The following TMEM126B variants were observed in gnomAD, a reference collection of about 807,000 sequenced individuals.
TMEM126B encodes the protein transmembrane protein 126B, also known as complex I assembly factor TMEM126B, mitochondrial.
Under a neutral mutation model 16.5 loss-of-function variants are expected in TMEM126B, and 19 were observed. That is an observed-to-expected ratio of 1.15 (90% CI 0.80 to 1.69). The LOEUF is 1.69. Ranked by LOEUF, TMEM126B falls within the 40% of genes most tolerant of loss-of-function variation. The pLI, the probability that TMEM126B is intolerant of heterozygous loss-of-function variation, is 0.00. For missense variants in TMEM126B, 293 were observed against 278.7 expected (o/e 1.05, Z -0.37); for synonymous variants, 104 against 93.2 (o/e 1.12, Z -0.67).
chr11:85,635,980 A>G, intron 4 of TMEM126B, 66 bp from the exon 5 acceptor site: 2 of 1,466,264 alleles, frequency 1.4e-6, no homozygotes, highest in Non-Finnish European at 1.8e-6. Context: ...TCAATTTAGG[A>G]GAAGTCAACA....
chr11:85,634,194 G>A lies in TMEM126B; in HGVS notation c.312G>A (p.Leu104=). ...RRCFKVKHDA[L]KTYASLATLP... ...GCTTCAAGGTTAAACATGATGCTTT[G>A]AAGACATATGCATCATTGGCTACAC... Residue 104 remains leucine, a synonymous_variant, in exon 3 of 5, where the codon TTG becomes TTA. Transcript: ENST00000358867. 1 of 1,613,482 alleles carries A rather than the reference G, an allele frequency of 6.2e-7. No homozygotes were observed. The highest frequency in any genetic ancestry group is 8.5e-7 in the Non-Finnish European group (1 of 1,179,600).
At chr11:85,635,515 C>G (rs2082381326) in intron 3 of TMEM126B, 152 bp from the exon 4 acceptor site, 1 of 514,888 alleles carries the variant, frequency 1.9e-6, no homozygotes, top group Admixed American at 3.7e-5. Context: ...CTGCATTTGG[C>G]CTGTTATATG....
chr11:85,629,178 G>T, intron 1 of TMEM126B: 1 of 1,268,062 alleles, frequency 7.9e-7, no homozygotes, highest in Non-Finnish European at 1.0e-6. Context: ...CTGAGGATGG[G>T]ATGACTGTAT....
chr11:85,628,718 G>A, intron 1 of TMEM126B, 30 bp downstream of exon 1: 1 of 1,522,322 alleles, frequency 6.6e-7, no homozygotes, highest in Non-Finnish European at 8.8e-7. Flanking sequence ...GGTATGGGGG[G>A]TGATTTCTGC....
intron 3 of TMEM126B, 138 bp downstream of exon 3, chr11:85,634,417 C>T (rs1006714999): frequency 4.7e-6 from 3 of 632,342 alleles, no homozygotes; most frequent in African/African-American, 3.8e-5. Flanking sequence ...TATACCTTGT[C>T]ATATTTAATC....
intron 3 of TMEM126B, chr11:85,634,508 T>TA (rs1286919382): frequency 9.4e-6 from 4 of 423,896 alleles, no homozygotes; most frequent in Non-Finnish European, 1.7e-5. Context: ...CATGTTCAAG[T>TA]ACGCTAATAA....
At chr11:85,633,927 TG>T (rs1232155337) in intron 2 of TMEM126B, among the ~76,000 whole-genome samples, 158 bp from the exon 3 acceptor site, 1 of 152,254 alleles carries the variant, frequency 6.6e-6, no homozygotes, top group African/African-American at 2.4e-5. Flanking sequence ...TCTTTTGCTT[TG>T]TTTACTGTCC....
rs1455823848 is a variant in TMEM126B, at chr11:85,628,651, C to T, written c.44C>T (p.Ser15Leu). ...GAGGCTGGGACTAAGCCAAGGGATTCAGGTGTGGTGCCGGTGGGAACTGAG... is the reference window on the plus strand; with the variant it reads ...GAGGCTGGGACTAAGCCAAGGGATTTAGGTGTGGTGCCGGTGGGAACTGAG... ...GYEAGTKPRDSGVVPVGTEEA... is the reference protein window; with the variant it reads ...GYEAGTKPRDLGVVPVGTEEA... Residue 15 changes from serine to leucine, a missense_variant, in exon 1 of 5, where the codon TCA (serine) becomes TTA (leucine). Ser to Leu is a moderately radical substitution (Grantham distance 145, BLOSUM62 -2). Coordinates refer to ENST00000358867, the MANE Select transcript of TMEM126B (RefSeq NM_018480.7). 1 of 1,536,184 alleles carries T rather than the reference C, an allele frequency of 6.5e-7. No homozygotes were observed. The highest frequency in any genetic ancestry group is 1.2e-5 in the South Asian group (1 of 84,060).
At position 85,629,106 on chromosome 11, in the gene TMEM126B, C is replaced by G. The variant is rs77093351; in HGVS notation, c.81+418C>G. ...TGTTGGGTTTTTCGTTTATGTCACTCTCTCATTCTGTGTTTAAATTGCCAG... is the reference window on the plus strand; with the variant it reads ...TGTTGGGTTTTTCGTTTATGTCACTGTCTCATTCTGTGTTTAAATTGCCAG... On this transcript the variant is annotated intron_variant, in intron 1 of 4. Coordinates refer to ENST00000358867, the MANE Select transcript of TMEM126B (RefSeq NM_018480.7). 2.1e-3 allele frequency: 1,460 copies of G among 695,190 alleles called. 22 individuals are homozygous for G. In the African/African-American group the frequency reaches 0.025, roughly 12 times the overall value. The allele number at this position is 695,190 out of a possible 1,614,324, so 43.1% of individuals were successfully genotyped here. A position where few individuals can be genotyped will look rare whatever the true frequency, so the allele number is the denominator to read the frequency against.
At chr11:85,635,871 T>G in intron 4 of TMEM126B, 93 bp downstream of exon 4, 1 of 1,067,904 alleles carries the variant, frequency 9.4e-7, no homozygotes, top group Non-Finnish European at 1.3e-6. Flanking sequence ...TCTTTAGCTG[T>G]CTATGATATA....
In TMEM126B at chr11:85,628,651, C is replaced by G; in HGVS notation, c.44C>G (p.Ser15Ter). 1 of 1,536,184 alleles carries G rather than the reference C, an allele frequency of 6.5e-7. No homozygotes were observed. Among genetic ancestry groups the G allele is most frequent in the Non-Finnish European group, 8.7e-7 (1 of 1,146,914 alleles). Residue 15 changes from serine to a stop codon, truncating the protein, a stop_gained, in exon 1 of 5, where the codon TCA (serine) becomes TGA (stop). Coordinates refer to ENST00000358867, the MANE Select transcript of TMEM126B (RefSeq NM_018480.7). LOFTEE classifies it high-confidence loss of function. Reference protein sequence around the residue: ...GYEAGTKPRDSGVVPVGTEEA... With the variant: ...GYEAGTKPRD ...GAGGCTGGGACTAAGCCAAGGGATT[C>G]AGGTGTGGTGCCGGTGGGAACTGAG...
chr11:85,632,278 C>G (rs1194448070), intron 2 of TMEM126B, among the ~76,000 whole-genome samples: 2 of 152,122 alleles, frequency 1.3e-5, no homozygotes, highest in Admixed American at 6.6e-5. Flanking sequence ...GAGTCTCACT[C>G]TGTCACCCAG....
chr11:85,630,131 C>T (rs926659964), intron 1 of TMEM126B, among the ~76,000 whole-genome samples: 7 of 152,220 alleles, frequency 4.6e-5, no homozygotes, highest in African/African-American at 1.7e-4. Flanking sequence ...ACTACAGCAT[C>T]AGAAGCACTA....
intron 1 of TMEM126B, chr11:85,629,108 C>T (rs2082180827): frequency 1.4e-6 from 1 of 707,978 alleles, no homozygotes; most frequent in Non-Finnish European, 2.2e-6. Flanking sequence ...ATGTCACTCT[C>T]TCATTCTGTG....
In TMEM126B at chr11:85,631,691, TCAAGATGGCAG is replaced by T. The variant is rs761155840; in HGVS notation, c.89_99del (p.Lys30IlefsTer29). ...CTCTGGAATTTTTTTTTCCAGGTTTTCAAGATGGCAGCATCTATGCATGGTCAGCCCAGTCC... is the reference window on the plus strand; with the variant it reads ...CTCTGGAATTTTTTTTTCCAGGTTTTCATCTATGCATGGTCAGCCCAGTCC... On this transcript the variant is annotated frameshift_variant, in exon 2 of 5. Coordinates refer to ENST00000358867, the MANE Select transcript of TMEM126B (RefSeq NM_018480.7). LOFTEE classifies it high-confidence loss of function. 1 of 1,608,056 alleles carries T rather than the reference TCAAGATGGCAG, an allele frequency of 6.2e-7. No homozygotes were observed. Among genetic ancestry groups the T allele is most frequent in the South Asian group, 1.1e-5 (1 of 89,388 alleles).
intron 3 of TMEM126B, 34 bp downstream of exon 3, chr11:85,634,313 A>ATACAT: frequency 6.6e-7 from 1 of 1,508,328 alleles, no homozygotes; most frequent in Non-Finnish European, 9.1e-7. Context: ...TAACGTAGTT[A>ATACAT]TGTCTAAGTA....
rs774465244 is a variant in TMEM126B, at chr11:85,631,727, C to T, written c.122C>T (p.Pro41Leu). Residue 41 changes from proline (P) to leucine (L), a missense_variant, in exon 2 of 5, where the codon CCT (proline) becomes CTT (leucine). Transcript: ENST00000358867. ...MAASMHGQPS[P>L]SLEDAKLRRP... The stretch of plus-strand genomic sequence containing the variant: ...GCATCTATGCATGGTCAGCCCAGTC[C>T]TTCTCTAGAAGATGCAAAACTCAGA... 10 of 1,613,374 alleles carry T rather than the reference C, an allele frequency of 6.2e-6. No homozygotes were observed. The South Asian group carries it at 1.1e-4, about 18-fold the overall frequency.
chr11:85,634,468 A>T, intron 3 of TMEM126B, 189 bp downstream of exon 3: 2 of 501,490 alleles, frequency 4.0e-6, no homozygotes, highest in Non-Finnish European at 6.9e-6. Context: ...GTATTTTTTT[A>T]TTTCTGTAGA....
At chr11:85,635,573 TGAG>T (rs1565793751) in intron 3 of TMEM126B, 91 bp from the exon 4 acceptor site, 1 of 766,464 alleles carries the variant, frequency 1.3e-6, no homozygotes, top group Non-Finnish European at 2.2e-6. Context: ...TAGTTGTGGT[TGAG>T]GATAGTGCAG....
Sources: allele counts gnomAD v4.1 joint callset (sites outside exome capture counted in the v4.1 genomes callset), GRCh38; gene constraint gnomAD v4.1.1; transcripts MANE v1.5; gene names NCBI Gene and HGNC (gene_info 2026-07-23, HGNC 2026-07-21).